Variants in ANK2 observed in about 807,000 individuals in gnomAD.
ANK2 encodes the protein ankyrin-2.
A neutral mutation model predicts 360.5 loss-of-function variants in ANK2; 83 were observed. The ratio of observed to expected loss-of-function variants is 0.23; its 90% confidence interval spans 0.19 to 0.28. ANK2 has a LOEUF of 0.28. Among genes scored for constraint, ANK2 ranks in the 10% least tolerant of loss-of-function variants. The pLI is 1.00. For missense variants in ANK2, 4,201 were observed against 4,795.7 expected, an observed-to-expected ratio of 0.88 and a Z score of 3.66; for synonymous variants, 1,740 against 1,759.5, an observed-to-expected ratio of 0.99 and a Z score of 0.28.
chr4:112,986,815 T>C (rs2045039791), intron 2 of ANK2, among the ~76,000 whole-genome samples: 1 of 152,202 alleles, frequency 6.6e-6, no homozygotes, highest in Non-Finnish European at 1.5e-5. Context: ...CCTTGAGCGC[T>C]TGCAGATGGC....
intron 37 of ANK2, among the ~76,000 whole-genome samples, 182 bp from the exon 38 acceptor site, chr4:113,352,863 T>G (rs2095505520): frequency 6.6e-6 from 1 of 152,068 alleles, no homozygotes; most frequent in Non-Finnish European, 1.5e-5. Context: ...TTTTTTTTCG[T>G]TAGCCTTGCT....
Position 113,315,772 on chromosome 4 carries a change from G to A in ANK2, c.2694-1935G>A, listed in dbSNP as rs543009409. ...AAATTAGCCAGGCGTGGTGGCAGGC[G>A]CCTGTAGTCCCAGCTACTCGGGAGG... On this transcript the variant is annotated intron_variant, in intron 24 of 45. Transcript: ENST00000357077. Among the ~76,000 whole-genome samples, 34 of 151,886 alleles carry A rather than the reference G, an allele frequency of 2.2e-4. 1 individual carries two copies. In the South Asian group the frequency reaches 4.2e-3, roughly 19 times the overall value.
chr4:112,823,743 A>C (rs1390737253), intron 1 of ANK2, among the ~76,000 whole-genome samples: 2 of 152,272 alleles, frequency 1.3e-5, no homozygotes, highest in Non-Finnish European at 2.9e-5. Flanking sequence ...TAATGTGTTC[A>C]CAGCCAGAGC....
chr4:113,002,911 T>C (rs2051336379), intron 2 of ANK2, among the ~76,000 whole-genome samples: 1 of 152,236 alleles, frequency 6.6e-6, no homozygotes, highest in South Asian at 2.1e-4. Flanking sequence ...TGTGGCTCTG[T>C]ACAGACTCTT....
intron 37 of ANK2, among the ~76,000 whole-genome samples, chr4:113,351,957 G>A (rs1012258536): frequency 5.9e-5 from 9 of 152,270 alleles, no homozygotes; most frequent in African/African-American, 1.9e-4. Context: ...AGTTTACTGA[G>A]TTTTCTTCCT....
At chr4:112,986,886 A>T (rs984824188) in intron 2 of ANK2, among the ~76,000 whole-genome samples, 2 of 152,180 alleles carry the variant, frequency 1.3e-5, no homozygotes, top group African/African-American at 4.8e-5. Context: ...CACCTTAGAT[A>T]GACACTGACA....
chr4:113,055,399 A>C (rs577778088), intron 1 of ANK2, among the ~76,000 whole-genome samples: 1 of 152,260 alleles, frequency 6.6e-6, no homozygotes, highest in East Asian at 1.9e-4. Context: ...TAAATAAATA[A>C]ATAAATGAAT....
intron 2 of ANK2, among the ~76,000 whole-genome samples, chr4:112,912,000 AC>A (rs1338138523): frequency 1.3e-5 from 2 of 151,684 alleles, no homozygotes; most frequent in Non-Finnish European, 2.9e-5. Context: ...ACACAGTGAA[AC>A]CCCGTCTCTA....
At chr4:112,955,039 A>G (rs2095263937) in intron 2 of ANK2, among the ~76,000 whole-genome samples, 1 of 152,160 alleles carries the variant, frequency 6.6e-6, no homozygotes. Flanking sequence ...CATTACAACT[A>G]TGTTAACAAG....
intron 1 of ANK2, among the ~76,000 whole-genome samples, chr4:113,135,611 C>T (rs1186565412): frequency 1.3e-5 from 2 of 151,868 alleles, no homozygotes; most frequent in Non-Finnish European, 2.9e-5. Flanking sequence ...ATTTCCCTGA[C>T]ATTAGCAATG....
At chr4:113,326,693 G>T (rs920152856) in intron 26 of ANK2, among the ~76,000 whole-genome samples, 1 of 151,994 alleles carries the variant, frequency 6.6e-6, no homozygotes, top group African/African-American at 2.4e-5. Context: ...AAACACGAAG[G>T]CTTGTTTTCT....
At chr4:112,997,216 A>G (rs1181369833) in intron 2 of ANK2, among the ~76,000 whole-genome samples, 1 of 152,158 alleles carries the variant, frequency 6.6e-6, no homozygotes, top group Non-Finnish European at 1.5e-5. Flanking sequence ...AAGCTAATTA[A>G]CACATGTATT....
the ANK2 span, among the ~76,000 whole-genome samples, chr4:112,779,134 C>G: frequency 6.6e-6 from 1 of 152,280 alleles, no homozygotes; most frequent in East Asian, 1.9e-4. Flanking sequence ...CGAGCCACCT[C>G]TCTTGGTGAA....
At chr4:113,083,709 G>A (rs973924236) in intron 1 of ANK2, among the ~76,000 whole-genome samples, 4 of 152,154 alleles carry the variant, frequency 2.6e-5, no homozygotes, top group African/African-American at 9.7e-5. Flanking sequence ...TAGTGACATT[G>A]TTGCTTAGGC....
chr4:112,894,859 A>G (rs1288916668), intron 1 of ANK2, among the ~76,000 whole-genome samples: 1 of 152,252 alleles, frequency 6.6e-6, no homozygotes. Flanking sequence ...GCTCATAGAT[A>G]TGACAGGGTT....
At chr4:112,978,201 G>A (rs1172859497) in intron 2 of ANK2, among the ~76,000 whole-genome samples, 5 of 151,784 alleles carry the variant, frequency 3.3e-5, no homozygotes, top group South Asian at 2.1e-4. Context: ...TCGAGATTGC[G>A]CCATTGCACT....
intron 1 of ANK2, among the ~76,000 whole-genome samples, chr4:112,849,158 A>C (rs2064028991): frequency 6.6e-6 from 1 of 152,234 alleles, no homozygotes; most frequent in African/African-American, 2.4e-5. Flanking sequence ...TGATGTATTC[A>C]AGCATTCAGA....
intron 2 of ANK2, among the ~76,000 whole-genome samples, chr4:113,180,910 T>G (rs2098396304): frequency 6.6e-6 from 1 of 152,208 alleles, no homozygotes; most frequent in Admixed American, 6.5e-5. Context: ...GTTATGTGGT[T>G]TTGGATTCTG....
chr4:112,739,272 G>A, the ANK2 span, among the ~76,000 whole-genome samples: 1 of 152,270 alleles, frequency 6.6e-6, no homozygotes, highest in East Asian at 1.9e-4. Flanking sequence ...ATGGTTTGAT[G>A]CACTTAGAAG....
Sources: allele counts gnomAD v4.1 joint callset (sites outside exome capture counted in the v4.1 genomes callset), GRCh38; gene constraint gnomAD v4.1.1; transcripts MANE v1.5; gene names NCBI Gene and HGNC (gene_info 2026-07-23, HGNC 2026-07-21).